The following ADGRB3 variants were observed in gnomAD, a reference collection of about 807,000 sequenced individuals.
ADGRB3 encodes the protein adhesion G protein-coupled receptor B3.
In ADGRB3, 37 loss-of-function variants were observed where a neutral mutation model predicts 193.4. The ratio of observed to expected loss-of-function variants is 0.19; its 90% CI spans 0.15 to 0.25. The LOEUF (loss-of-function observed/expected upper bound fraction) is 0.25. ADGRB3 is among the 10% of genes least tolerant of loss of function. The probability of loss-of-function intolerance (pLI) is 1.00; values close to 1 mark genes in which losing one functional copy is unlikely to be tolerated. For synonymous variants in ADGRB3, 690 were observed against 644.2 expected (o/e 1.07, Z -1.08); for missense variants, 1,637 against 1,852.9 (o/e 0.88, Z 2.14).
intron 3 of ADGRB3, among the ~76,000 whole-genome samples, chr6:68,928,654 A>G (rs1249937515): frequency 6.6e-6 from 1 of 152,214 alleles, no homozygotes; most frequent in East Asian, 1.9e-4. Flanking sequence ...ACCTTCTACC[A>G]GAACAGGTTA....
At chr6:69,342,104 CTA>C (rs902304945) in intron 26 of ADGRB3, among the ~76,000 whole-genome samples, 1 of 152,056 alleles carries the variant, frequency 6.6e-6, no homozygotes, top group Non-Finnish European at 1.5e-5. Flanking sequence ...GCTAATTGGA[CTA>C]TTAACTGTCA....
intron 3 of ADGRB3, among the ~76,000 whole-genome samples, chr6:68,791,376 A>C (rs540601613): frequency 6.6e-6 from 1 of 152,250 alleles, no homozygotes; most frequent in Non-Finnish European, 1.5e-5. Flanking sequence ...TATATGCTAC[A>C]TAAGTATAAT....
rs566356015 is a variant in ADGRB3 at position 68,976,952 on chromosome 6, AT to A, written c.1734+1619del. Among the ~76,000 whole-genome samples the A allele has an allele frequency of 2.8e-3, 410 of 148,284 alleles. 5 individuals are homozygous for A. The highest frequency in any genetic ancestry group is 0.01 in the African/African-American group (395 of 39,324). On this transcript the variant is annotated intron_variant, in intron 10 of 31. Transcript: ENST00000370598. The stretch of plus-strand genomic sequence containing the variant: ...ATACTTACAATATAGAAAAATATAT[AT>A]TTTTTTATATTTATCACATAAACAT...
At chr6:69,315,439 C>T (rs1186368542) in intron 20 of ADGRB3, among the ~76,000 whole-genome samples, 3 of 151,544 alleles carry the variant, frequency 2.0e-5, no homozygotes, top group African/African-American at 4.8e-5. Context: ...TAAAAACTAT[C>T]ATTTATCAAG....
At chr6:69,149,706 T>C (rs2343261) in intron 17 of ADGRB3, among the ~76,000 whole-genome samples, 43,029 of 151,858 alleles carry the variant, frequency 0.28, 8,131 homozygotes, top group East Asian at 0.84. Context: ...TTTCCAGATA[T>C]TTGAAGGGAC....
At chr6:69,172,504 C>T (rs1198876046) in intron 17 of ADGRB3, among the ~76,000 whole-genome samples, 2 of 151,412 alleles carry the variant, frequency 1.3e-5, no homozygotes, top group African/African-American at 2.4e-5. Context: ...ATTAGCCAGG[C>T]ATGGTGGCGG....
chr6:69,204,003 AT>A lies in ADGRB3; in HGVS notation c.2481-29277del, dbSNP rs989298105. On this transcript the variant is annotated intron_variant, in intron 17 of 31. Transcript: ENST00000370598. ...CTTTGATAAAAGGAACAAAGCTAGC[AT>A]TTTTTTTTTAACAATCCCAAAGCTG... is the stretch of plus-strand genomic sequence containing the variant. Among the ~76,000 whole-genome samples, 106 of 149,498 alleles carry A rather than the reference AT, an allele frequency of 7.1e-4. 1 individual carries two copies. Among genetic ancestry groups the A allele is most frequent in the Middle Eastern group, 3.4e-3 (1 of 290 alleles).
intron 23 of ADGRB3, chr6:69,331,705 C>T (rs1426566562): frequency 1.0e-6 from 1 of 985,182 alleles, no homozygotes; most frequent in Non-Finnish European, 1.2e-6. Flanking sequence ...TTTCCCTAAG[C>T]TTCTAGGTTA....
chr6:68,930,904 G>A (rs1007557912), intron 4 of ADGRB3, among the ~76,000 whole-genome samples: 3 of 151,892 alleles, frequency 2.0e-5, no homozygotes, highest in Admixed American at 2.0e-4. Flanking sequence ...TTACATAGTA[G>A]CATTTATGCT....
chr6:68,643,931 G>GAA (rs1226089996), intron 3 of ADGRB3, among the ~76,000 whole-genome samples: 3 of 108,084 alleles, frequency 2.8e-5, no homozygotes, highest in Non-Finnish European at 5.9e-5. Context: ...GACTCTATCA[G>GAA]AAAAAAAAAA....
At chr6:69,027,397 A>G (rs1273086556) in intron 13 of ADGRB3, among the ~76,000 whole-genome samples, 1 of 152,144 alleles carries the variant, frequency 6.6e-6, no homozygotes, top group Non-Finnish European at 1.5e-5. Flanking sequence ...TTCTTCCAGA[A>G]TACCTCCTGA....
intron 3 of ADGRB3, among the ~76,000 whole-genome samples, chr6:68,840,182 C>T (rs948369389): frequency 4.6e-5 from 7 of 152,166 alleles, no homozygotes; most frequent in African/African-American, 1.7e-4. Context: ...AGGCTCAGAG[C>T]AAGTGTATTT....
intron 20 of ADGRB3, among the ~76,000 whole-genome samples, chr6:69,291,243 C>T (rs546233119): frequency 6.6e-6 from 1 of 152,064 alleles, no homozygotes; most frequent in African/African-American, 2.4e-5. Flanking sequence ...ATTATTATTA[C>T]TGTGATTATT....
intron 17 of ADGRB3, among the ~76,000 whole-genome samples, chr6:69,145,725 T>C (rs943251708): frequency 7.0e-6 from 1 of 141,856 alleles, no homozygotes; most frequent in Non-Finnish European, 1.5e-5. Context: ...GCTGACAGGG[T>C]ATCACTGGGA....
chr6:69,008,251 G>A (rs1349854864), intron 11 of ADGRB3, among the ~76,000 whole-genome samples: 4 of 152,036 alleles, frequency 2.6e-5, no homozygotes, highest in Admixed American at 6.6e-5. Flanking sequence ...TAAATTCAAC[G>A]AGGGAAGTAA....
intron 21 of ADGRB3, 44 bp downstream of exon 21, chr6:69,325,066 G>C: frequency 2.5e-6 from 4 of 1,580,884 alleles, no homozygotes; most frequent in Non-Finnish European, 3.4e-6. Context: ...TCAAAATGAC[G>C]TTGAACACAC....
intron 17 of ADGRB3, among the ~76,000 whole-genome samples, chr6:69,153,760 A>G (rs377129982): frequency 3.3e-5 from 5 of 152,124 alleles, no homozygotes; most frequent in East Asian, 1.9e-4. Flanking sequence ...TTGGGAGGCC[A>G]AGGCGGGCGG....
At chr6:68,974,514 T>A (rs574201899) in intron 8 of ADGRB3, among the ~76,000 whole-genome samples, 17 of 152,172 alleles carry the variant, frequency 1.1e-4, no homozygotes, top group African/African-American at 3.9e-4. Context: ...ACGTCTGTAG[T>A]CCTAGTTACT....
intron 3 of ADGRB3, among the ~76,000 whole-genome samples, chr6:68,868,213 G>C (rs1346758619): frequency 6.6e-6 from 1 of 152,164 alleles, no homozygotes; most frequent in Non-Finnish European, 1.5e-5. Flanking sequence ...TTTCCCCTAT[G>C]CAGTTCTGGT....
Sources: gnomAD v4.1 joint callset for allele counts (sites outside exome capture counted in the v4.1 genomes callset) on GRCh38, gnomAD v4.1.1 for gene constraint, MANE v1.5 for transcripts, NCBI Gene and HGNC (gene_info 2026-07-23, HGNC 2026-07-21) for gene names.